Variants in RASGRF2 observed in about 807,000 individuals in gnomAD.
RASGRF2 encodes the protein Ras protein specific guanine nucleotide releasing factor 2.
A neutral mutation model predicts 151.0 loss-of-function variants in RASGRF2; 76 were observed. That is an observed-to-expected ratio of 0.50 (90% CI 0.42 to 0.61). The LOEUF is 0.61. RASGRF2 is among the 20% of genes least tolerant of loss of function. The pLI is 0.00. For missense variants in RASGRF2, 1,148 were observed against 1,564.6 expected (o/e 0.73, Z 4.49); for synonymous variants, 504 against 566.5 (o/e 0.89, Z 1.57).
At chr5:81,124,517 G>A (rs1241024146) in intron 16 of RASGRF2, among the ~76,000 whole-genome samples, 1 of 152,116 alleles carries the variant, frequency 6.6e-6, no homozygotes, top group African/African-American at 2.4e-5. Context: ...ACAATCTGGG[G>A]AGACCCTATT....
chr5:81,225,408 A>G (rs1024460143), intron 26 of RASGRF2, among the ~76,000 whole-genome samples: 3 of 152,196 alleles, frequency 2.0e-5, no homozygotes, highest in Non-Finnish European at 2.9e-5. Context: ...ATCTCTATAA[A>G]GACATAGAAA....
intron 17 of RASGRF2, among the ~76,000 whole-genome samples, chr5:81,141,105 A>G (rs1375437747): frequency 6.6e-6 from 1 of 152,112 alleles, no homozygotes; most frequent in African/African-American, 2.4e-5. Context: ...CAATACTTTC[A>G]TGGGCCACAT....
chr5:81,015,139 A>T (rs1455773687), intron 1 of RASGRF2, among the ~76,000 whole-genome samples: 1 of 152,200 alleles, frequency 6.6e-6, no homozygotes, highest in Non-Finnish European at 1.5e-5. Context: ...CAAAGATGGT[A>T]GCCATTTTTA....
chr5:81,092,891 A>G lies in RASGRF2; in HGVS notation c.1481A>G (p.Gln494Arg). ...TCTTTGAAAAAGGAAGGAGAGAGAC[A>G]ATGCTTCTTATTTACAAAACACTTT... is the stretch of plus-strand genomic sequence containing the variant. ...SLSLKKEGER[Q>R]CFLFTKHFLI... Residue 494 changes from glutamine to arginine, a missense_variant, in exon 10 of 27, where the codon CAA becomes CGA. By Grantham distance (43) the Gln-to-Arg change is conservative. Coordinates refer to ENST00000265080, the MANE Select transcript of RASGRF2 (RefSeq NM_006909.3). The G allele has an allele frequency of 1.2e-6, 2 of 1,612,596 alleles. No individual in the cohort carries two copies. The highest frequency in any genetic ancestry group is 1.7e-6 in the Non-Finnish European group (2 of 1,178,608).
At chr5:81,220,439 A>T (rs1755833829) in intron 26 of RASGRF2, among the ~76,000 whole-genome samples, 1 of 152,176 alleles carries the variant, frequency 6.6e-6, no homozygotes, top group South Asian at 2.1e-4. Context: ...ATTATCTTAC[A>T]TTAGTATGAT....
At chr5:81,216,486 T>C (rs1755743250) in intron 24 of RASGRF2, among the ~76,000 whole-genome samples, 1 of 151,980 alleles carries the variant, frequency 6.6e-6, no homozygotes, top group Non-Finnish European at 1.5e-5. Flanking sequence ...AGTCCTGTGA[T>C]GGTATGAGTG....
intron 6 of RASGRF2, 136 bp downstream of exon 6, chr5:81,080,336 T>C: frequency 6.8e-7 from 1 of 1,463,736 alleles, no homozygotes; most frequent in Non-Finnish European, 9.0e-7. Context: ...CGGGACCCTG[T>C]CTCCTTGCCT....
At chr5:81,177,046 TC>T (rs1754791807) in intron 17 of RASGRF2, among the ~76,000 whole-genome samples, 1 of 152,102 alleles carries the variant, frequency 6.6e-6, no homozygotes. Flanking sequence ...GGGCTTCTTC[TC>T]CTGAACCATG....
chr5:81,107,179 G>A (rs464420), intron 12 of RASGRF2, among the ~76,000 whole-genome samples: 77,766 of 142,146 alleles, frequency 0.55, 22,035 homozygotes, highest in Middle Eastern at 0.72. Flanking sequence ...GGATAACATA[G>A]CACGAACCTG....
chr5:81,099,547 A>G (rs1388032758), intron 12 of RASGRF2, among the ~76,000 whole-genome samples: 2 of 152,182 alleles, frequency 1.3e-5, no homozygotes, highest in Non-Finnish European at 2.9e-5. Flanking sequence ...CATGATTCCT[A>G]GTGTGACAGA....
At chr5:80,979,876 G>A (rs1412090898) in intron 1 of RASGRF2, among the ~76,000 whole-genome samples, 5 of 152,230 alleles carry the variant, frequency 3.3e-5, no homozygotes, top group African/African-American at 4.8e-5. Context: ...AAAGATGGCC[G>A]ATGTTAGTAC....
intron 1 of RASGRF2, among the ~76,000 whole-genome samples, chr5:80,980,603 C>T (rs1378445652): frequency 6.6e-6 from 1 of 152,136 alleles, no homozygotes; most frequent in Non-Finnish European, 1.5e-5. Flanking sequence ...GATCGTGCCA[C>T]TGCACTCTAG....
chr5:81,193,688 G>A (rs1049551427), intron 18 of RASGRF2, among the ~76,000 whole-genome samples: 4 of 151,910 alleles, frequency 2.6e-5, no homozygotes, highest in African/African-American at 4.8e-5. Flanking sequence ...GCTAATTTTC[G>A]TATTTTTTAA....
At position 81,120,683 on chromosome 5, in the gene RASGRF2, T is replaced by C. The variant is rs555331759; in HGVS notation, c.2471-2959T>C. On this transcript the variant is annotated intron_variant, in intron 15 of 26. Coordinates refer to ENST00000265080, the MANE Select transcript of RASGRF2 (RefSeq NM_006909.3). Reference sequence around the variant, plus strand: ...TGTGTGTGGCCAAGTGTATGGTTACTGAACAAATGAATACTGTGTGGTCTT... The same window carrying C: ...TGTGTGTGGCCAAGTGTATGGTTACCGAACAAATGAATACTGTGTGGTCTT... 1.2e-4 allele frequency among the ~76,000 whole-genome samples: 19 copies of C among 152,362 alleles called. 1 individual carries two copies. Among genetic ancestry groups the C allele is most frequent in the East Asian group, 7.7e-4 (4 of 5,192 alleles).
chr5:81,170,047 T>G (rs1754617723), intron 17 of RASGRF2, among the ~76,000 whole-genome samples: 1 of 151,464 alleles, frequency 6.6e-6, no homozygotes, highest in East Asian at 1.9e-4. Context: ...TTGCATCACC[T>G]GCACTCCCTG....
intron 3 of RASGRF2, among the ~76,000 whole-genome samples, chr5:81,068,406 T>TTTTTG (rs1751676645): frequency 7.8e-6 from 1 of 127,404 alleles, no homozygotes; most frequent in Non-Finnish European, 1.7e-5. Context: ...TTTTTTTTTT[T>TTTTTG]GGTGGGGGGT....
intron 7 of RASGRF2, among the ~76,000 whole-genome samples, chr5:81,081,970 AT>A (rs1752099856): frequency 1.3e-5 from 2 of 152,212 alleles, no homozygotes; most frequent in South Asian, 4.1e-4. Context: ...TATCTACATA[AT>A]TGGAATTTAA....
rs918730499 is a variant in RASGRF2 at position 81,225,926 on chromosome 5, C to T, written c.*156C>T. ...CTGGAATTCTGTCTCCAGAGAGAAA[C>T]CCAGCTGTTTGGGTCAAAGACAGAT... is the stretch of plus-strand genomic sequence containing the variant. On this transcript the variant is annotated 3_prime_UTR_variant, in exon 27 of 27. Coordinates refer to ENST00000265080, the MANE Select transcript of RASGRF2 (RefSeq NM_006909.3). 2 of 790,066 alleles carry T rather than the reference C, an allele frequency of 2.5e-6. No individual in the cohort carries two copies. The highest frequency in any genetic ancestry group is 2.7e-5 in the South Asian group (1 of 37,480). 48.9% of individuals were successfully genotyped at this position (790,066 alleles called of 1,614,324 possible). A position where few individuals can be genotyped will look rare whatever the true frequency, so the allele number is the denominator to read the frequency against.
intron 1 of RASGRF2, among the ~76,000 whole-genome samples, chr5:80,981,613 C>A (rs924621814): frequency 2.0e-5 from 3 of 151,940 alleles, no homozygotes; most frequent in Non-Finnish European, 2.9e-5. Flanking sequence ...TCGCCCAGGT[C>A]GGAGTGCAGT....
Sources: gnomAD v4.1 joint callset for allele counts (sites outside exome capture counted in the v4.1 genomes callset) on GRCh38, gnomAD v4.1.1 for gene constraint, MANE v1.5 for transcripts, NCBI Gene and HGNC (gene_info 2026-07-23, HGNC 2026-07-21) for gene names.